The following RBFOX1 variants were observed in gnomAD, a reference collection of about 807,000 sequenced individuals.
RBFOX1 encodes RNA binding protein fox-1 homolog 1.
In RBFOX1, 8 loss-of-function variants were observed where a neutral mutation model predicts 57.7. The observed-to-expected ratio is 0.14, with a 90% CI of 0.08 to 0.25. The LOEUF (loss-of-function observed/expected upper bound fraction) is 0.25. RBFOX1 is among the 10% of genes least tolerant of loss of function. The pLI is 1.00. For synonymous variants in RBFOX1, 326 were observed against 222.4 expected, an observed-to-expected ratio of 1.47 and a Z score of -4.15; for missense variants, 611 against 548.5, an observed-to-expected ratio of 1.11 and a Z score of -1.14.
At chr16:6,729,518 AAAG>A (rs1281907707) in intron 3 of RBFOX1, among the ~76,000 whole-genome samples, 3 of 152,206 alleles carry the variant, frequency 2.0e-5, no homozygotes, top group Non-Finnish European at 4.4e-5. Flanking sequence ...ACATAGAAAC[AAAG>A]AAGATGTTTA....
intron 4 of RBFOX1, among the ~76,000 whole-genome samples, chr16:7,172,560 A>C (rs1185400775): frequency 6.6e-6 from 1 of 152,208 alleles, no homozygotes; most frequent in African/African-American, 2.4e-5. Context: ...AAGTTCCATT[A>C]AATGTAATTA....
At chr16:5,847,169 G>C (rs1288028007) in intron 3 of RBFOX1, among the ~76,000 whole-genome samples, 2 of 152,192 alleles carry the variant, frequency 1.3e-5, no homozygotes, top group African/African-American at 4.8e-5. Flanking sequence ...CCAGGAACTT[G>C]GTTGGAGTGA....
intron 4 of RBFOX1, among the ~76,000 whole-genome samples, chr16:7,508,137 C>T (rs1453555021): frequency 2.6e-5 from 4 of 152,026 alleles, no homozygotes; most frequent in African/African-American, 9.7e-5. Context: ...CAGGCACCTG[C>T]CACAATGCCT....
intron 7 of RBFOX1, among the ~76,000 whole-genome samples, chr16:7,593,070 C>T (rs2094524870): frequency 6.6e-6 from 1 of 151,916 alleles, no homozygotes. Context: ...CTGCCTTGGC[C>T]TCCCAAACTG....
At chr16:6,958,085 A>C (rs1417698948) in intron 3 of RBFOX1, among the ~76,000 whole-genome samples, 1 of 151,046 alleles carries the variant, frequency 6.6e-6, no homozygotes, top group African/African-American at 2.5e-5. Flanking sequence ...TGGATGTTAA[A>C]GGCAGCGGCT....
At chr16:5,844,618 G>T (rs1289408595) in intron 3 of RBFOX1, among the ~76,000 whole-genome samples, 1 of 152,130 alleles carries the variant, frequency 6.6e-6, no homozygotes, top group Non-Finnish European at 1.5e-5. Flanking sequence ...AAAATAAGCA[G>T]TGTGTCACTT....
intron 5 of RBFOX1, among the ~76,000 whole-genome samples, chr16:7,520,615 C>T (rs768219250): frequency 2.6e-5 from 4 of 152,170 alleles, no homozygotes; most frequent in Non-Finnish European, 5.9e-5. Context: ...CATTCTGGTT[C>T]TTCTGAACAC....
chr16:6,456,198 A>C (rs2094767879), intron 2 of RBFOX1, among the ~76,000 whole-genome samples: 1 of 152,192 alleles, frequency 6.6e-6, no homozygotes, highest in Non-Finnish European at 1.5e-5. Flanking sequence ...AAGTCCTTTC[A>C]GATAGAAGAA....
At chr16:7,343,985 G>A (rs2096945484) in intron 4 of RBFOX1, among the ~76,000 whole-genome samples, 1 of 151,810 alleles carries the variant, frequency 6.6e-6, no homozygotes, top group East Asian at 1.9e-4. Context: ...CAACACCAAT[G>A]CAATTAAATA....
chr16:6,902,580 A>G (rs7191621), intron 3 of RBFOX1, among the ~76,000 whole-genome samples: 10,815 of 152,122 alleles, frequency 0.071, 1,285 homozygotes, highest in African/African-American at 0.25. Flanking sequence ...AAATTGGCCA[A>G]GTATGGTGGC....
In RBFOX1 at chr16:5,594,074, T is replaced by C. The variant is rs17500334; in HGVS notation, c.259-4828T>C. Among the ~76,000 whole-genome samples, 729 of 152,058 alleles carry C rather than the reference T, an allele frequency of 4.8e-3. 5 individuals carry two copies. Among genetic ancestry groups the C allele is most frequent in the Middle Eastern group, 0.01 (3 of 294 alleles). On this transcript the variant is annotated intron_variant, in intron 2 of 2. Transcript: ENST00000585867. Reference sequence around the variant, plus strand: ...GAGCTTTGCACAATGTTGGTCCACGTAGGTTTTACTGGCGCCATCATTGGG... The same window carrying C: ...GAGCTTTGCACAATGTTGGTCCACGCAGGTTTTACTGGCGCCATCATTGGG...
chr16:5,784,466 C>G (rs78860309), intron 3 of RBFOX1, among the ~76,000 whole-genome samples: 4,071 of 151,992 alleles, frequency 0.027, 185 homozygotes, highest in African/African-American at 0.092. Context: ...TCTTACATGG[C>G]CAGAGCAGGA....
intron 4 of RBFOX1, among the ~76,000 whole-genome samples, chr16:7,407,373 G>GGGGTGTGTGTGTGT (rs1011842452): frequency 1.2e-4 from 18 of 149,556 alleles, no homozygotes; most frequent in African/African-American, 4.5e-4. Flanking sequence ...GATTTGTATG[G>GGGGTGTGTGTGTGT]GTGTGTGTGT....
intron 4 of RBFOX1, among the ~76,000 whole-genome samples, chr16:7,061,067 A>G (rs2153746628): frequency 6.6e-6 from 1 of 151,938 alleles, no homozygotes; most frequent in Non-Finnish European, 1.5e-5. Flanking sequence ...TACAAGGAAA[A>G]AACTGGCAGA....
chr16:7,091,805 T>A (rs185617932), intron 4 of RBFOX1, among the ~76,000 whole-genome samples: 65 of 152,342 alleles, frequency 4.3e-4, no homozygotes, highest in African/African-American at 1.5e-3. Context: ...AGAGCTTCGT[T>A]ATTAACTGAG....
chr16:6,222,818 G>C (rs552787017), intron 1 of RBFOX1, among the ~76,000 whole-genome samples: 37 of 151,612 alleles, frequency 2.4e-4, no homozygotes, highest in African/African-American at 8.7e-4. Flanking sequence ...GTCATTTAGC[G>C]TTAGGTATAT....
At chr16:6,395,266 G>A (rs545481663) in intron 2 of RBFOX1, among the ~76,000 whole-genome samples, 9 of 152,168 alleles carry the variant, frequency 5.9e-5, no homozygotes, top group Non-Finnish European at 1.3e-4. Context: ...TTTTGTCATA[G>A]ACGTGGTGGA....
At chr16:6,925,889 T>A (rs963232160) in intron 3 of RBFOX1, among the ~76,000 whole-genome samples, 2 of 152,154 alleles carry the variant, frequency 1.3e-5, no homozygotes, top group African/African-American at 4.8e-5. Context: ...CTCTATGTAA[T>A]TTTGTTTTAT....
intron 4 of RBFOX1, among the ~76,000 whole-genome samples, chr16:5,890,033 G>T (rs1043656380): frequency 2.0e-5 from 3 of 152,282 alleles, no homozygotes; most frequent in African/African-American, 7.2e-5. Context: ...TGACACACGG[G>T]GTGTGTTGAC....
Sources: gnomAD v4.1 joint callset for allele counts (sites outside exome capture counted in the v4.1 genomes callset) on GRCh38, gnomAD v4.1.1 for gene constraint, MANE v1.5 for transcripts, NCBI Gene and HGNC (gene_info 2026-07-23, HGNC 2026-07-21) for gene names.